Variants in SACM1L observed in about 807,000 individuals in gnomAD.
The protein encoded by SACM1L is phosphatidylinositol-3-phosphatase SAC1.
Under a neutral mutation model 89.5 loss-of-function variants are expected in SACM1L, and 32 were observed. The observed-to-expected ratio is 0.36, with a 90% CI of 0.27 to 0.48. The LOEUF is 0.48. SACM1L is among the 20% of genes least tolerant of loss of function. The pLI is 0.99. For synonymous variants in SACM1L, 213 were observed against 232.8 expected, an observed-to-expected ratio of 0.92 and a Z score of 0.77; for missense variants, 543 against 708.5, an observed-to-expected ratio of 0.77 and a Z score of 2.65.
chr3:45,726,839 A>G (rs909175949), intron 11 of SACM1L, among the ~76,000 whole-genome samples: 5 of 143,560 alleles, frequency 3.5e-5, no homozygotes, highest in African/African-American at 1.3e-4. Flanking sequence ...ACAGCGACAA[A>G]TTTTCCTCAG....
intron 5 of SACM1L, 51 bp downstream of exon 5, chr3:45,709,698 G>A: frequency 6.6e-7 from 1 of 1,505,088 alleles, no homozygotes; most frequent in South Asian, 1.2e-5. Context: ...AAAGGGACAT[G>A]TCTCTGTTTC....
intron 2 of SACM1L, 127 bp from the exon 3 acceptor site, chr3:45,705,008 G>A: frequency 1.6e-6 from 1 of 607,364 alleles, no homozygotes; most frequent in South Asian, 2.0e-5. Context: ...GTTAAGGAAT[G>A]TTGCTTTTCT....
chr3:45,701,308 G>A (rs768997842), intron 1 of SACM1L, among the ~76,000 whole-genome samples: 5 of 152,170 alleles, frequency 3.3e-5, no homozygotes, highest in Non-Finnish European at 4.4e-5. Context: ...TCTCAATTCC[G>A]TGCCTACCAT....
chr3:45,734,972 C>A (rs1312699606), intron 13 of SACM1L: 1 of 355,710 alleles, frequency 2.8e-6, no homozygotes, highest in Non-Finnish European at 5.1e-6. Context: ...TTTTAATACT[C>A]TTAACTTTAC....
chr3:45,737,894 G>C (rs552054880), intron 16 of SACM1L, 50 bp downstream of exon 16: 1 of 1,485,178 alleles, frequency 6.7e-7, no homozygotes, highest in African/African-American at 1.4e-5. Context: ...TCACAGTCCT[G>C]GTGCTTTTAA....
At chr3:45,735,164 G>A in intron 13 of SACM1L, 71 bp from the exon 14 acceptor site, 1 of 1,372,462 alleles carries the variant, frequency 7.3e-7, no homozygotes, top group Non-Finnish European at 9.9e-7. Flanking sequence ...TGAGACCCAT[G>A]TTATAAGAGT....
chr3:45,730,220 G>C (rs1430225218), intron 11 of SACM1L, among the ~76,000 whole-genome samples: 1 of 150,922 alleles, frequency 6.6e-6, no homozygotes, highest in Non-Finnish European at 1.5e-5. Context: ...TTTTGTACCT[G>C]TGATTTTTTT....
At chr3:45,704,239 A>G (rs528123005) in intron 2 of SACM1L, among the ~76,000 whole-genome samples, 9 of 152,244 alleles carry the variant, frequency 5.9e-5, no homozygotes, top group African/African-American at 2.2e-4. Flanking sequence ...CCAGAGTTCT[A>G]TATTTATTTT....
At chr3:45,705,112 T>C (rs1327669844) in intron 2 of SACM1L, 23 bp from the exon 3 acceptor site, 1 of 1,533,884 alleles carries the variant, frequency 6.5e-7, no homozygotes, top group Admixed American at 1.8e-5. Context: ...ATGTGATTTT[T>C]CTTTCTTTCC....
At chr3:45,707,496 A>G (rs1463114773) in intron 4 of SACM1L, among the ~76,000 whole-genome samples, 1 of 152,246 alleles carries the variant, frequency 6.6e-6, no homozygotes, top group Non-Finnish European at 1.5e-5. Context: ...GGTGCAAAAA[A>G]ACAAAAAGCA....
chr3:45,719,393 G>T (rs1245260525), intron 7 of SACM1L, 107 bp from the exon 8 acceptor site: 2 of 588,278 alleles, frequency 3.4e-6, no homozygotes, highest in Non-Finnish European at 2.9e-6. Context: ...GTATACTCTT[G>T]TCATTTTTTC....
At position 45,732,144 on chromosome 3, in the gene SACM1L, G is replaced by T; in HGVS notation, c.1093G>T (p.Glu365Ter). 1.3e-6 allele frequency: 2 copies of T among 1,588,826 alleles called. No homozygotes were observed. The highest frequency in any genetic ancestry group is 1.1e-5 in the South Asian group (1 of 88,512). ...GGATCAGGTAGCAGAAATGCAAGAT[G>T]AATTAAGGTAAGCTATATTATTTCC... ...LLDQVAEMQDELSYFLVDSAG... is the reference protein window; with the variant it reads ...LLDQVAEMQD The change falls in exon 13 of 20, where the codon GAA becomes TAA. Residue 365 changes from glutamate (E) to a stop codon, truncating the protein, a stop_gained. Coordinates refer to ENST00000389061, the MANE Select transcript of SACM1L (RefSeq NM_014016.5). LOFTEE classifies it high-confidence loss of function.
intron 13 of SACM1L, among the ~76,000 whole-genome samples, chr3:45,734,069 TC>T (rs1234323084): frequency 6.6e-6 from 1 of 152,174 alleles, no homozygotes; most frequent in East Asian, 1.9e-4. Flanking sequence ...ACCCAATTGT[TC>T]TTTATAAATC....
intron 1 of SACM1L, among the ~76,000 whole-genome samples, chr3:45,696,985 G>A (rs1489955316): frequency 1.3e-5 from 2 of 152,108 alleles, no homozygotes. Flanking sequence ...TTTGTATTAA[G>A]TGTAATACCA....
intron 11 of SACM1L, among the ~76,000 whole-genome samples, chr3:45,729,133 C>T (rs1246963274): frequency 6.6e-6 from 1 of 152,092 alleles, no homozygotes; most frequent in Non-Finnish European, 1.5e-5. Context: ...GTCACCCAGG[C>T]TGGAGTACAG....
chr3:45,724,935 TAA>T (rs1698883554), intron 11 of SACM1L, among the ~76,000 whole-genome samples: 2 of 152,178 alleles, frequency 1.3e-5, no homozygotes, highest in Non-Finnish European at 2.9e-5. Context: ...GCACCATTTA[TAA>T]AAAGACTGTT....
chr3:45,700,734 G>T (rs780872299), intron 1 of SACM1L, among the ~76,000 whole-genome samples: 5 of 152,112 alleles, frequency 3.3e-5, no homozygotes, highest in Non-Finnish European at 5.9e-5. Flanking sequence ...TGCACTCACT[G>T]CACTCTGAAC....
At chr3:45,693,074 A>G (rs557634650) in intron 1 of SACM1L, among the ~76,000 whole-genome samples, 12 of 152,250 alleles carry the variant, frequency 7.9e-5, no homozygotes, top group Non-Finnish European at 1.5e-4. Flanking sequence ...CTAGGCTACA[A>G]ACCTGTACAG....
At chr3:45,702,533 TCTC>T (rs1241813415) in intron 1 of SACM1L, among the ~76,000 whole-genome samples, 1 of 152,218 alleles carries the variant, frequency 6.6e-6, no homozygotes, top group Non-Finnish European at 1.5e-5. Flanking sequence ...GGTTGTATCT[TCTC>T]CTGTGCCTAC....
Sources: gnomAD v4.1 joint callset for allele counts (sites outside exome capture counted in the v4.1 genomes callset) on GRCh38, gnomAD v4.1.1 for gene constraint, MANE v1.5 for transcripts, NCBI Gene and HGNC (gene_info 2026-07-23, HGNC 2026-07-21) for gene names.